The following FREM1 variants were observed in gnomAD, a reference collection of about 807,000 sequenced individuals.
FREM1 encodes the protein FRAS1-related extracellular matrix protein 1.
A neutral mutation model predicts 210.1 loss-of-function variants in FREM1; 220 were observed. The ratio of observed to expected loss-of-function variants is 1.05; its 90% CI spans 0.94 to 1.17. The LOEUF (loss-of-function observed/expected upper bound fraction) is 1.17. FREM1 is among the 50% of genes most tolerant of loss of function. The pLI is 0.00. For synonymous variants in FREM1, 1,189 were observed against 980.2 expected (o/e 1.21, Z -3.98); for missense variants, 3,454 against 2,675.5 (o/e 1.29, Z -6.42).
At position 14,860,773 on chromosome 9, in the gene FREM1, A is replaced by G. The variant is rs1181309215; in HGVS notation, c.330-1289T>C. On this transcript the variant is annotated intron_variant, in intron 3 of 36. Transcript: ENST00000380880. ...TGCACATATATATGCACATATATAC[A>G]CATATATACATATATACATATATAC... Among the ~76,000 whole-genome samples the G allele has an allele frequency of 2.0e-3, 198 of 97,104 alleles. 2 individuals are homozygous for G. Among genetic ancestry groups the G allele is most frequent in the Non-Finnish European group, 2.7e-3 (137 of 51,288 alleles). 63.7% of individuals were successfully genotyped at this position (97,104 alleles called of 152,430 possible).
Position 14,737,484 on chromosome 9 carries a change from C to T in FREM1, c.6452G>A (p.Cys2151Tyr). ...PSQRSKLGKS[C>Y]VLVQRQGKWQ... ...TTTCCCTTGTCTTTGAACCAAAACA[C>T]AGCTCTTTCCAAGCTTGGAGCGTTG... The change falls in exon 37 of 37, where the codon TGT becomes TAT. Residue 2151 changes from cysteine to tyrosine, a missense_variant. Transcript: ENST00000380880. The T allele has an allele frequency of 6.2e-7, 1 of 1,613,840 alleles. No individual in the cohort carries two copies. The highest frequency in any genetic ancestry group is 8.5e-7 in the Non-Finnish European group (1 of 1,179,808).
At position 14,747,278 on chromosome 9, in the gene FREM1, G is replaced by A; in HGVS notation, c.5995C>T (p.His1999Tyr). 6.2e-7 allele frequency: 1 copy of A among 1,612,550 alleles called. No individual in the cohort carries two copies. The highest frequency in any genetic ancestry group is 8.5e-7 in the Non-Finnish European group (1 of 1,179,246). Reference sequence around the variant, plus strand: ...GATTTTCATACCTGTCTGGGGAAGTGTGAGTCAGTTGTGGATTCCACCTTA... The same window carrying A: ...GATTTTCATACCTGTCTGGGGAAGTATGAGTCAGTTGTGGATTCCACCTTA... ...ADKVESTTDS[H>Y]FPRQDQLPSF... is the part of the protein sequence containing the mutation. Residue 1999 changes from histidine to tyrosine, a missense_variant, in exon 33 of 37, where the codon CAC (histidine) becomes TAC (tyrosine). Physicochemically the swap from His to Tyr is moderately conservative, Grantham distance 83. Transcript: ENST00000380880.
chr9:14,841,700 ACC>A, intron 9 of FREM1, 111 bp from the exon 10 acceptor site: 14 of 687,028 alleles, frequency 2.0e-5, no homozygotes, highest in Non-Finnish European at 2.9e-5. Flanking sequence ...CATTCTATGT[ACC>A]CAAGGAATCT....
In FREM1 at chr9:14,816,991, C is replaced by A. The variant is rs1820427592; in HGVS notation, c.2547-120G>T. On this transcript the variant is annotated intron_variant, in intron 14 of 36. Coordinates refer to ENST00000380880, the MANE Select transcript of FREM1 (RefSeq NM_001379081.2). ...TGTTCACTAAATAAATAAATAGCAA[C>A]AACAACAACAACAAAAACCCAGCAT... The A allele has an allele frequency of 7.5e-6, 3 of 402,390 alleles. No homozygotes were observed. In the South Asian group the frequency reaches 4.0e-4, roughly 53 times the overall value. The allele number at this position is 402,390 out of a possible 1,614,324, so 24.9% of individuals were successfully genotyped here.
chr9:14,882,583 C>T lies in FREM1; in HGVS notation c.-267-13339G>A, dbSNP rs111820340. Among the ~76,000 whole-genome samples, 1,067 of 150,848 alleles carry T rather than the reference C, an allele frequency of 7.1e-3. 14 individuals are homozygous for T. The highest frequency in any genetic ancestry group is 0.025 in the African/African-American group (1,020 of 41,184). ...AATTCTCCTGCCTCAGCCTCCCTAG[C>T]AGCTGGGATTACAGGTGCCCGCCAC... On this transcript the variant is annotated intron_variant, in intron 1 of 36. Transcript: ENST00000380880.
chr9:14,853,166 CT>C, intron 5 of FREM1, among the ~76,000 whole-genome samples: 1 of 152,164 alleles, frequency 6.6e-6, no homozygotes, highest in Non-Finnish European at 1.5e-5. Flanking sequence ...ACACAGAGAG[CT>C]GATGCAGGGC....
intron 5 of FREM1, among the ~76,000 whole-genome samples, chr9:14,855,386 G>T (rs148192443): frequency 0.016 from 2,474 of 152,154 alleles, 35 homozygotes; most frequent in Middle Eastern, 0.027. Flanking sequence ...AATTGTATTT[G>T]AGGTAGATTA....
rs1443474481 is a variant in FREM1 at position 14,748,525 on chromosome 9, T to A, written c.5672A>T (p.His1891Leu). ...SSSSTTSGSFHLERRPLPSSM... is the reference protein window; with the variant it reads ...SSSSTTSGSFLLERRPLPSSM... ...AGATGGAAGAGGTCTTCTTTCCAGATGAAAGGAACCAGAAGTGGTGGATGA... is the reference window on the plus strand; with the variant it reads ...AGATGGAAGAGGTCTTCTTTCCAGAAGAAAGGAACCAGAAGTGGTGGATGA... The change falls in exon 31 of 37, where the codon CAT (histidine) becomes CTT (leucine). Residue 1891 changes from histidine (H) to leucine (L), a missense_variant. His to Leu is a moderately conservative substitution (Grantham distance 99). Coordinates refer to ENST00000380880, the MANE Select transcript of FREM1 (RefSeq NM_001379081.2). 1.9e-6 allele frequency: 3 copies of A among 1,613,716 alleles called. No individual in the cohort carries two copies. The highest frequency in any genetic ancestry group is 2.5e-6 in the Non-Finnish European group (3 of 1,179,714).
chr9:14,870,072 T>C (rs1832311169), intron 1 of FREM1, among the ~76,000 whole-genome samples: 1 of 152,236 alleles, frequency 6.6e-6, no homozygotes, highest in Admixed American at 6.5e-5. Flanking sequence ...CACTGAAATA[T>C]ATCCCTAAAT....
intron 10 of FREM1, among the ~76,000 whole-genome samples, chr9:14,831,954 T>A (rs1235002469): frequency 2.0e-5 from 3 of 152,136 alleles, no homozygotes; most frequent in African/African-American, 7.2e-5. Context: ...CCTCTACTGT[T>A]TTCATCTCCA....
chr9:14,768,238 T>A (rs1420791696), intron 27 of FREM1, among the ~76,000 whole-genome samples: 1 of 149,642 alleles, frequency 6.7e-6, no homozygotes, highest in East Asian at 2.0e-4. Flanking sequence ...TGATCAACAT[T>A]CCTATGTTTT....
intron 4 of FREM1, 130 bp from the exon 5 acceptor site, chr9:14,857,879 C>A: frequency 3.6e-6 from 2 of 549,636 alleles, no homozygotes; most frequent in Non-Finnish European, 6.0e-6. Flanking sequence ...ACCTTCCAAT[C>A]ATTCACTGAG....
At chr9:14,787,523 T>C (rs1194405145) in intron 23 of FREM1, among the ~76,000 whole-genome samples, 1 of 152,190 alleles carries the variant, frequency 6.6e-6, no homozygotes, top group Admixed American at 6.5e-5. Context: ...TAATGTGGCA[T>C]GTGGCTGTGA....
intron 13 of FREM1, 56 bp downstream of exon 13, chr9:14,823,104 C>A: frequency 7.3e-7 from 1 of 1,378,278 alleles, no homozygotes; most frequent in South Asian, 1.5e-5. Flanking sequence ...AGTAGGTCTT[C>A]AAGTCTCTCC....
rs572956428 is a variant in FREM1, at chr9:14,779,891, T to C, written c.4443-3688A>G. On this transcript the variant is annotated intron_variant, in intron 24 of 36. Transcript: ENST00000380880. ...AACATGACTGGATCAAATAACATCATTCCACTTTCACAAGTAACAGTGCAA... is the reference window on the plus strand; with the variant it reads ...AACATGACTGGATCAAATAACATCACTCCACTTTCACAAGTAACAGTGCAA... 7.9e-5 allele frequency among the ~76,000 whole-genome samples: 12 copies of C among 152,314 alleles called. No homozygotes were observed. In the East Asian group the frequency reaches 1.3e-3, roughly 17 times the overall value.
intron 2 of FREM1, among the ~76,000 whole-genome samples, chr9:14,864,746 T>C (rs1173330545): frequency 6.6e-6 from 1 of 152,218 alleles, no homozygotes. Flanking sequence ...TGTCCACCAT[T>C]GTGTTCGTGG....
chr9:14,885,126 G>A (rs555958699), intron 1 of FREM1, among the ~76,000 whole-genome samples: 16 of 151,368 alleles, frequency 1.1e-4, no homozygotes, highest in Admixed American at 8.5e-4. Context: ...GGGTTTCACC[G>A]TGTTAGCCAG....
intron 16 of FREM1, 108 bp from the exon 17 acceptor site, chr9:14,808,242 G>C: frequency 1.6e-6 from 1 of 640,322 alleles, no homozygotes. Context: ...AGGAAAAGAA[G>C]TTATGTGGAT....
rs1588270413 is a variant in FREM1 at position 14,836,662 on chromosome 9, T to C, written c.1881+4785A>G. On this transcript the variant is annotated intron_variant, in intron 10 of 36. Transcript: ENST00000380880. The surrounding 1 kb of genome is among the most constrained non-coding windows in gnomAD (Gnocchi z 4.9). ...TGTATATTCAGTACTATGACTCAAA[T>C]TGTTTCTTCTCGCCTAAAAGCAATC... Among the ~76,000 whole-genome samples, 2 of 152,218 alleles carry C rather than the reference T, an allele frequency of 1.3e-5. No individual in the cohort carries two copies. The highest frequency in any genetic ancestry group is 4.8e-5 in the African/African-American group (2 of 41,460).
Sources: allele counts gnomAD v4.1 joint callset (sites outside exome capture counted in the v4.1 genomes callset), GRCh38; gene constraint gnomAD v4.1.1; non-coding constraint Gnocchi (gnomAD v3.1); transcripts MANE v1.5; gene names NCBI Gene and HGNC (gene_info 2026-07-23, HGNC 2026-07-21).